Variants in CTNNA2 observed in about 807,000 individuals in gnomAD.
CTNNA2 encodes catenin alpha-2.
A neutral mutation model predicts 101.0 loss-of-function variants in CTNNA2; 42 were observed. The ratio of observed to expected loss-of-function variants is 0.42; its 90% CI spans 0.32 to 0.54. The LOEUF (loss-of-function observed/expected upper bound fraction) is 0.54, where lower values mean the gene tolerates loss of function less well. CTNNA2 is among the 20% of genes least tolerant of loss of function. The pLI is 0.14. For synonymous variants in CTNNA2, 450 were observed against 456.4 expected, an observed-to-expected ratio of 0.99 and a Z score of 0.18; for missense variants, 871 against 1,223.1, an observed-to-expected ratio of 0.71 and a Z score of 4.29.
chr2:79,220,913 G>T (rs1393821781), intron 2 of CTNNA2, among the ~76,000 whole-genome samples: 2 of 152,054 alleles, frequency 1.3e-5, no homozygotes, highest in Admixed American at 6.6e-5. Flanking sequence ...CATAGATTAG[G>T]TGATAATAAT....
chr2:80,558,464 ATG>A lies in CTNNA2; in HGVS notation c.1741+2593_1741+2594del, dbSNP rs869129917. Among the ~76,000 whole-genome samples, 244 of 146,208 alleles carry A rather than the reference ATG, an allele frequency of 1.7e-3. 1 individual carries two copies. Among genetic ancestry groups the A allele is most frequent in the African/African-American group, 5.5e-3 (219 of 39,754 alleles). ...TGTTGGTGTGTGTGTGTGTGTATAT[ATG>A]TGTGTGTGTGTGTGTGTGTGTATAT... On this transcript the variant is annotated intron_variant, in intron 12 of 18. Coordinates refer to ENST00000402739, the MANE Select transcript of CTNNA2 (RefSeq NM_001282597.3).
At chr2:80,327,089 A>G (rs1343340050) in intron 7 of CTNNA2, among the ~76,000 whole-genome samples, 2 of 152,134 alleles carry the variant, frequency 1.3e-5, no homozygotes, top group Admixed American at 1.3e-4. Context: ...CATAACTCCT[A>G]CAGGATTGCA....
chr2:79,844,342 T>C (rs2103861157), intron 3 of CTNNA2, among the ~76,000 whole-genome samples: 1 of 152,314 alleles, frequency 6.6e-6, no homozygotes, highest in African/African-American at 2.4e-5. Context: ...CCCTGCTTTA[T>C]ATTTTGATGT....
chr2:79,990,285 T>C (rs1049865723), intron 7 of CTNNA2, among the ~76,000 whole-genome samples: 1 of 152,078 alleles, frequency 6.6e-6, no homozygotes, highest in Non-Finnish European at 1.5e-5. Context: ...TGTCCATAAA[T>C]TGCAGCAGAA....
Position 80,155,568 on chromosome 2 carries a change from T to A in CTNNA2, c.1057-237643T>A, listed in dbSNP as rs73938204. On this transcript the variant is annotated intron_variant, in intron 7 of 18. Coordinates refer to ENST00000402739, the MANE Select transcript of CTNNA2 (RefSeq NM_001282597.3). ...TTCCTTTTCTTCTTTTCTTTTTTAA[T>A]GCTGACCTGTAGAGTATTGAAATCA... Among the ~76,000 whole-genome samples the A allele has an allele frequency of 3.7e-3, 559 of 152,308 alleles. 4 individuals carry two copies. Among genetic ancestry groups the A allele is most frequent in the African/African-American group, 0.013 (526 of 41,572 alleles).
At chr2:79,875,094 T>C (rs6722819) in intron 6 of CTNNA2, among the ~76,000 whole-genome samples, 36,749 of 152,076 alleles carry the variant, frequency 0.24, 4,832 homozygotes, top group Non-Finnish European at 0.31. Context: ...AGAGCCTGTG[T>C]TAGTTCTCTG....
At chr2:79,406,081 C>G (rs922451258) in intron 4 of CTNNA2, among the ~76,000 whole-genome samples, 5 of 152,008 alleles carry the variant, frequency 3.3e-5, no homozygotes, top group African/African-American at 1.2e-4. Context: ...TGGTTAAGTT[C>G]AACATGCTGC....
chr2:80,056,116 T>G (rs1175585207), intron 7 of CTNNA2, among the ~76,000 whole-genome samples: 1 of 152,186 alleles, frequency 6.6e-6, no homozygotes, highest in Non-Finnish European at 1.5e-5. Context: ...ACATTTCTGA[T>G]GAGGATTGTA....
At chr2:80,281,325 T>C (rs965124073) in intron 7 of CTNNA2, among the ~76,000 whole-genome samples, 16 of 152,046 alleles carry the variant, frequency 1.1e-4, no homozygotes, top group Non-Finnish European at 1.9e-4. Flanking sequence ...GGAGGTGAAG[T>C]CCTTAGAGCT....
chr2:79,718,053 T>C (rs904828535), intron 2 of CTNNA2, among the ~76,000 whole-genome samples: 1 of 152,182 alleles, frequency 6.6e-6, no homozygotes. Context: ...GGATAAACTC[T>C]TGGGTCAGGT....
chr2:79,387,993 T>C (rs993919748), intron 4 of CTNNA2, among the ~76,000 whole-genome samples: 6 of 152,160 alleles, frequency 3.9e-5, no homozygotes, highest in Non-Finnish European at 8.8e-5. Context: ...ACCCTGCATC[T>C]TGAAGCATGG....
At chr2:79,939,951 G>A (rs1688040545) in intron 7 of CTNNA2, among the ~76,000 whole-genome samples, 1 of 152,104 alleles carries the variant, frequency 6.6e-6, no homozygotes, top group African/African-American at 2.4e-5. Context: ...AATTAGCTGG[G>A]CGTGGTGGCA....
intron 7 of CTNNA2, among the ~76,000 whole-genome samples, chr2:80,053,655 A>G (rs1230637744): frequency 6.6e-6 from 1 of 152,190 alleles, no homozygotes; most frequent in Non-Finnish European, 1.5e-5. Context: ...GTCTGGGATT[A>G]TGCACTTCTA....
chr2:80,403,615 T>G (rs1559080745), intron 8 of CTNNA2, among the ~76,000 whole-genome samples: 3 of 152,188 alleles, frequency 2.0e-5, no homozygotes, highest in African/African-American at 7.2e-5. Context: ...TGGGTTTAAT[T>G]TACTCTACAC....
chr2:80,220,310 C>A (rs561715772), intron 7 of CTNNA2, among the ~76,000 whole-genome samples: 1 of 152,238 alleles, frequency 6.6e-6, no homozygotes, highest in Non-Finnish European at 1.5e-5. Context: ...ACACTCAGGA[C>A]GTCTGCCACA....
chr2:80,456,122 G>C (rs563398081), intron 9 of CTNNA2, among the ~76,000 whole-genome samples: 34 of 152,272 alleles, frequency 2.2e-4, no homozygotes, highest in African/African-American at 8.2e-4. Context: ...GCCGGATGTG[G>C]GATGTGCTGA....
At chr2:79,256,863 A>G (rs1434882881) in intron 2 of CTNNA2, among the ~76,000 whole-genome samples, 1 of 152,234 alleles carries the variant, frequency 6.6e-6, no homozygotes, top group Non-Finnish European at 1.5e-5. Flanking sequence ...ATTAAATGAG[A>G]TAAAATGTTA....
chr2:80,548,727 A>G (rs767695831), intron 11 of CTNNA2, among the ~76,000 whole-genome samples: 6 of 152,180 alleles, frequency 3.9e-5, no homozygotes, highest in Non-Finnish European at 5.9e-5. Flanking sequence ...ACGGGGTTTG[A>G]CAAATAATGA....
chr2:79,239,853 G>A (rs1674602079), intron 2 of CTNNA2, among the ~76,000 whole-genome samples: 1 of 151,944 alleles, frequency 6.6e-6, no homozygotes, highest in South Asian at 2.1e-4. Flanking sequence ...GCTTTTTAAT[G>A]TTTAGGGCGA....
Sources: gnomAD v4.1 joint callset for allele counts (sites outside exome capture counted in the v4.1 genomes callset) on GRCh38, gnomAD v4.1.1 for gene constraint, MANE v1.5 for transcripts, NCBI Gene and HGNC (gene_info 2026-07-23, HGNC 2026-07-21) for gene names.